The following PLXNA4 variants were observed in gnomAD, a reference collection of about 807,000 sequenced individuals.
PLXNA4 encodes the protein plexin A4.
A neutral mutation model predicts 191.8 loss-of-function variants in PLXNA4; 44 were observed. The observed-to-expected ratio is 0.23, with a 90% CI of 0.18 to 0.29. The LOEUF (loss-of-function observed/expected upper bound fraction) is 0.29. PLXNA4 is among the 10% of genes least tolerant of loss of function. The pLI, the probability that PLXNA4 is intolerant of heterozygous loss-of-function variation, is 1.00. For synonymous variants in PLXNA4, 1,082 were observed against 1,009.5 expected (o/e 1.07, Z -1.36); for missense variants, 1,800 against 2,488.8 (o/e 0.72, Z 5.89).
chr7:132,167,432 C>G lies in PLXNA4; in HGVS notation c.4286+872G>C, dbSNP rs536617656. 2.6e-5 allele frequency among the ~76,000 whole-genome samples: 4 copies of G among 152,316 alleles called. No homozygotes were observed. In the South Asian group the frequency reaches 8.3e-4, roughly 32 times the overall value. ...ACCAAAGGACTTTCCTTCAGTGCTT[C>G]TCAAACTTTAATATGGATTGGGATA... On this transcript the variant is annotated intron_variant, in intron 22 of 31. Coordinates refer to ENST00000321063, the MANE Select transcript of PLXNA4 (RefSeq NM_020911.2).
At chr7:132,584,653 T>C (rs1456039426) in intron 2 of PLXNA4, among the ~76,000 whole-genome samples, 2 of 152,184 alleles carry the variant, frequency 1.3e-5, no homozygotes, top group Non-Finnish European at 2.9e-5. Flanking sequence ...ATTTTGAATA[T>C]ACAAAATAGG....
chr7:132,542,263 G>A (rs528804558), intron 1 of PLXNA4, among the ~76,000 whole-genome samples: 18 of 152,308 alleles, frequency 1.2e-4, no homozygotes, highest in African/African-American at 2.9e-4. Flanking sequence ...AGTTTTTACT[G>A]ATAATTTTAA....
intron 16 of PLXNA4, among the ~76,000 whole-genome samples, chr7:132,184,667 T>C (rs1468786307): frequency 6.6e-6 from 1 of 152,144 alleles, no homozygotes; most frequent in Non-Finnish European, 1.5e-5. Flanking sequence ...CCCTAGGGCC[T>C]TTCTATACCA....
intron 1 of PLXNA4, among the ~76,000 whole-genome samples, chr7:132,572,699 A>G (rs1422558918): frequency 2.0e-5 from 3 of 152,202 alleles, no homozygotes; most frequent in African/African-American, 7.2e-5. Flanking sequence ...CGCAACTTGA[A>G]TGGTACAGCC....
intron 25 of PLXNA4, among the ~76,000 whole-genome samples, chr7:132,151,194 AAAG>A (rs1159705238): frequency 2.6e-5 from 4 of 151,960 alleles, no homozygotes; most frequent in Non-Finnish European, 4.4e-5. Context: ...AAGAAAGGAG[AAAG>A]AAGAAGAGAA....
chr7:132,417,682 GGAGA>G (rs150044818), intron 3 of PLXNA4, among the ~76,000 whole-genome samples: 1 of 150,066 alleles, frequency 6.7e-6, no homozygotes, highest in African/African-American at 2.4e-5. Flanking sequence ...AGACTGAAAA[GGAGA>G]GAGAGAGAGA....
At chr7:132,314,825 G>A (rs926279794) in intron 3 of PLXNA4, among the ~76,000 whole-genome samples, 1 of 152,174 alleles carries the variant, frequency 6.6e-6, no homozygotes, top group Non-Finnish European at 1.5e-5. Flanking sequence ...GCCCAGCAGG[G>A]CTCTGATCAT....
Position 132,203,310 on chromosome 7 carries a change from AGCC to A in PLXNA4, c.2395+10_2395+12del. 2.2e-6 allele frequency: 3 copies of A among 1,386,532 alleles called. No homozygotes were observed. The highest frequency in any genetic ancestry group is 2.0e-6 in the Non-Finnish European group (2 of 1,016,228). 85.9% of individuals were successfully genotyped at this position (1,386,532 alleles called of 1,614,324 possible). On this transcript the variant is annotated intron_variant, in intron 11 of 31. Coordinates refer to ENST00000321063, the MANE Select transcript of PLXNA4 (RefSeq NM_020911.2). ...TCCCCTCCCTCCCCTGCTAGGCCCC[AGCC>A]CTTCCACACCTTTATTCTGAGCTGG... is the stretch of plus-strand genomic sequence containing the variant.
rs1227638215 is a variant in PLXNA4, at chr7:132,124,384, G to C, written c.*6095C>G. On this transcript the variant is annotated 3_prime_UTR_variant, in exon 32 of 32. Transcript: ENST00000321063. ...TTGCGGCTGACTTCTGTGCACGAAA[G>C]TGTTCCTTAGTCCTGTTTGGTGAAG... 6.6e-6 allele frequency: 1 copy of C among 152,184 alleles called. No individual in the cohort carries two copies. Among genetic ancestry groups the C allele is most frequent in the Non-Finnish European group, 1.5e-5 (1 of 68,054 alleles). The allele number at this position is 152,184 out of a possible 1,614,324, so 9.4% of individuals were successfully genotyped here.
At chr7:132,555,226 G>A (rs1289443040) in intron 1 of PLXNA4, among the ~76,000 whole-genome samples, 1 of 152,066 alleles carries the variant, frequency 6.6e-6, no homozygotes, top group Non-Finnish European at 1.5e-5. Flanking sequence ...AAAATTCTGA[G>A]TCTTCCAAAA....
chr7:132,306,250 G>C (rs1801518277), intron 3 of PLXNA4, among the ~76,000 whole-genome samples: 1 of 152,178 alleles, frequency 6.6e-6, no homozygotes, highest in Non-Finnish European at 1.5e-5. Flanking sequence ...ATGCAAACCA[G>C]TCAGTTTGCA....
intron 22 of PLXNA4, 146 bp downstream of exon 22, chr7:132,168,158 A>G (rs748622968): frequency 7.7e-5 from 94 of 1,212,960 alleles, no homozygotes; most frequent in Non-Finnish European, 9.8e-5. Flanking sequence ...GGGGCCTGCA[A>G]TGTAGTCCTG....
At chr7:132,611,081 C>A (rs1226833071) in intron 2 of PLXNA4, among the ~76,000 whole-genome samples, 2 of 152,212 alleles carry the variant, frequency 1.3e-5, no homozygotes, top group Non-Finnish European at 2.9e-5. Context: ...GTCCCCCCGG[C>A]CAGCAGCCAA....
In PLXNA4 at chr7:132,140,611, T is replaced by A; in HGVS notation, c.5426A>T (p.Asn1809Ile). 1 of 1,613,916 alleles carries A rather than the reference T, an allele frequency of 6.2e-7. No homozygotes were observed. Among genetic ancestry groups the A allele is most frequent in the Non-Finnish European group, 8.5e-7 (1 of 1,179,992 alleles). Residue 1809 changes from asparagine to isoleucine, a missense_variant, in exon 30 of 32, where the codon AAT becomes ATT. Physicochemically the swap from Asn to Ile is moderately radical, Grantham distance 149. Around this residue, in one of 6 missense-constraint regions of PLXNA4, gnomAD observed 101 missense variants for 182.8 expected, o/e 0.55. Transcript: ENST00000321063. ...LYAKDIPSYK[N>I]WVERYYSDIG... ...GCCCAGCACTCACCTCTCCACCCAA[T>A]TCTTGTAGCTGGGGATGTCCTTGGC... is the stretch of plus-strand genomic sequence containing the variant.
At chr7:132,597,237 T>C (rs1425110914) in intron 2 of PLXNA4, among the ~76,000 whole-genome samples, 1 of 152,206 alleles carries the variant, frequency 6.6e-6, no homozygotes, top group Non-Finnish European at 1.5e-5. Flanking sequence ...ATTCTCTGAA[T>C]TACATTATTT....
chr7:132,422,695 A>C (rs1158325816), intron 3 of PLXNA4, among the ~76,000 whole-genome samples: 2 of 152,216 alleles, frequency 1.3e-5, no homozygotes. Context: ...TTAGGTTTGC[A>C]GAGGGAAGGG....
At chr7:132,328,642 T>A (rs1802469570) in intron 3 of PLXNA4, among the ~76,000 whole-genome samples, 1 of 152,178 alleles carries the variant, frequency 6.6e-6, no homozygotes, top group South Asian at 2.1e-4. Context: ...AGAGAGGACG[T>A]CATGGTGGCG....
intron 3 of PLXNA4, among the ~76,000 whole-genome samples, chr7:132,417,289 C>T (rs372742549): frequency 8.5e-5 from 13 of 152,140 alleles, no homozygotes; most frequent in African/African-American, 2.9e-4. Context: ...ATCTCCTACC[C>T]GCCACATTAT....
intron 3 of PLXNA4, among the ~76,000 whole-genome samples, chr7:132,479,395 A>G (rs1318332047): frequency 6.6e-6 from 1 of 152,200 alleles, no homozygotes; most frequent in Non-Finnish European, 1.5e-5. Context: ...ACCAACACCC[A>G]TTTCTCACAG....
Sources: allele counts gnomAD v4.1 joint callset (sites outside exome capture counted in the v4.1 genomes callset), GRCh38; gene constraint gnomAD v4.1.1; regional missense constraint gnomAD v4.1.1; transcripts MANE v1.5; gene names NCBI Gene and HGNC (gene_info 2026-07-23, HGNC 2026-07-21).